SLC1A1: variants seen among roughly 807,000 people sequenced by gnomAD.
SLC1A1 encodes solute carrier family 1 member 1.
Under a neutral mutation model 53.3 loss-of-function variants are expected in SLC1A1, and 43 were observed. The observed-to-expected ratio is 0.81, with a 90% CI of 0.63 to 1.04. The LOEUF (loss-of-function observed/expected upper bound fraction) is 1.04. Among genes scored for constraint, SLC1A1 ranks in the 50% least tolerant of loss-of-function variants. The pLI, the probability that SLC1A1 is intolerant of heterozygous loss-of-function variation, is 0.00. For missense variants in SLC1A1, 748 were observed against 664.9 expected, an observed-to-expected ratio of 1.12 and a Z score of -1.37; for synonymous variants, 307 against 243.2, an observed-to-expected ratio of 1.26 and a Z score of -2.44.
intron 1 of SLC1A1, among the ~76,000 whole-genome samples, chr9:4,511,895 A>T (rs1398828989): frequency 6.6e-6 from 1 of 152,248 alleles, no homozygotes; most frequent in African/African-American, 2.4e-5. Flanking sequence ...AGGTTAACAC[A>T]CAAAAATCAC....
chr9:4,514,348 C>T (rs974088531), intron 1 of SLC1A1, among the ~76,000 whole-genome samples: 2 of 152,056 alleles, frequency 1.3e-5, no homozygotes, highest in African/African-American at 4.8e-5. Context: ...CTGATGCTGC[C>T]GTAATTCCCA....
chr9:4,562,993 A>G (rs1819112129), intron 3 of SLC1A1, among the ~76,000 whole-genome samples: 1 of 150,038 alleles, frequency 6.7e-6, no homozygotes, highest in Admixed American at 6.6e-5. Flanking sequence ...GGAGAGGGAT[A>G]GCATTGGGAG....
At chr9:4,580,966 A>G (rs934518522) in intron 10 of SLC1A1, among the ~76,000 whole-genome samples, 18 of 152,138 alleles carry the variant, frequency 1.2e-4, no homozygotes, top group Non-Finnish European at 1.5e-5. Flanking sequence ...TTACATAGGT[A>G]TACGTGTGGA....
intron 1 of SLC1A1, among the ~76,000 whole-genome samples, chr9:4,534,129 C>A (rs1173852768): frequency 6.6e-6 from 1 of 152,090 alleles, no homozygotes; most frequent in Non-Finnish European, 1.5e-5. Context: ...AACTGACACC[C>A]TAACATCACA....
chr9:4,578,558 G>C (rs1242484965), intron 10 of SLC1A1, among the ~76,000 whole-genome samples: 1 of 152,122 alleles, frequency 6.6e-6, no homozygotes, highest in East Asian at 1.9e-4. Context: ...AGATGGGAGG[G>C]AAGCCAGTAA....
At chr9:4,544,935 G>A (rs1317106394) in intron 2 of SLC1A1, among the ~76,000 whole-genome samples, 1 of 152,188 alleles carries the variant, frequency 6.6e-6, no homozygotes, top group East Asian at 1.9e-4. Context: ...AGCAGGAAGA[G>A]CCCGTTATAA....
chr9:4,564,612 A>T (rs1819305907), intron 4 of SLC1A1, among the ~76,000 whole-genome samples, 154 bp downstream of exon 4: 1 of 152,224 alleles, frequency 6.6e-6, no homozygotes, highest in African/African-American at 2.4e-5. Context: ...CACAAATTAC[A>T]TAGCCAGTAC....
intron 1 of SLC1A1, among the ~76,000 whole-genome samples, chr9:4,534,601 A>G (rs544487683): frequency 6.6e-6 from 1 of 152,122 alleles, no homozygotes; most frequent in African/African-American, 2.4e-5. Context: ...GTCCAGGACC[A>G]GATGGATTCA....
intron 1 of SLC1A1, among the ~76,000 whole-genome samples, chr9:4,536,746 A>C (rs912037030): frequency 1.4e-4 from 21 of 152,240 alleles, no homozygotes; most frequent in Non-Finnish European, 2.6e-4. Flanking sequence ...ATGCACATGT[A>C]TGTTTATTGC....
chr9:4,527,515 T>G (rs1222775493), intron 1 of SLC1A1, among the ~76,000 whole-genome samples: 2 of 152,184 alleles, frequency 1.3e-5, no homozygotes, highest in Non-Finnish European at 1.5e-5. Context: ...ATCTGAGTAC[T>G]ATGATCAATA....
At chr9:4,515,498 C>G (rs762373376) in intron 1 of SLC1A1, among the ~76,000 whole-genome samples, 1 of 152,096 alleles carries the variant, frequency 6.6e-6, no homozygotes, top group Non-Finnish European at 1.5e-5. Flanking sequence ...ACTGGGGAAA[C>G]AGCATGAGGC....
intron 1 of SLC1A1, among the ~76,000 whole-genome samples, chr9:4,529,495 G>A (rs913021564): frequency 1.3e-5 from 2 of 152,146 alleles, no homozygotes; most frequent in African/African-American, 4.8e-5. Flanking sequence ...GCATCCAGCT[G>A]TCTTTGTAGT....
At chr9:4,514,309 T>C (rs1252269293) in intron 1 of SLC1A1, among the ~76,000 whole-genome samples, 1 of 152,182 alleles carries the variant, frequency 6.6e-6, no homozygotes, top group African/African-American at 2.4e-5. Flanking sequence ...TGAGTTCTCA[T>C]CCCTGAAAAG....
intron 2 of SLC1A1, chr9:4,554,368 T>C (rs1586772035): frequency 6.6e-6 from 1 of 152,386 alleles, no homozygotes; most frequent in Middle Eastern, 3.4e-3. Context: ...CTAGGTCTCC[T>C]GCCTTCATGG....
At chr9:4,570,958 A>T (rs1819978562) in intron 6 of SLC1A1, among the ~76,000 whole-genome samples, 3 of 152,018 alleles carry the variant, frequency 2.0e-5, no homozygotes, top group Non-Finnish European at 4.4e-5. Context: ...AGTAGTAGGT[A>T]TTTGGCTAAT....
chr9:4,541,830 T>C (rs1427029046), intron 1 of SLC1A1, among the ~76,000 whole-genome samples: 1 of 152,212 alleles, frequency 6.6e-6, no homozygotes, highest in African/African-American at 2.4e-5. Flanking sequence ...GGGCAGTTAT[T>C]CCTAGCAGCC....
intron 1 of SLC1A1, among the ~76,000 whole-genome samples, chr9:4,499,945 G>A (rs17755168): frequency 0.015 from 2,263 of 152,352 alleles, 30 homozygotes; most frequent in South Asian, 0.034. Context: ...GGTTATGTCA[G>A]ACAAGGTAGG....
At chr9:4,515,764 A>C (rs1382493647) in intron 1 of SLC1A1, among the ~76,000 whole-genome samples, 1 of 152,064 alleles carries the variant, frequency 6.6e-6, no homozygotes, top group Non-Finnish European at 1.5e-5. Context: ...GCAGGACTGA[A>C]CCCTTGCTTG....
intron 7 of SLC1A1, among the ~76,000 whole-genome samples, chr9:4,572,613 T>A (rs1330443341): frequency 4.6e-5 from 7 of 152,232 alleles, no homozygotes. Context: ...AGTGGTGCAA[T>A]CTCGGCTCAC....
Sources: allele counts gnomAD v4.1 joint callset (sites outside exome capture counted in the v4.1 genomes callset), GRCh38; gene constraint gnomAD v4.1.1; transcripts MANE v1.5; gene names NCBI Gene and HGNC (gene_info 2026-07-23, HGNC 2026-07-21).